Variants in PALB2 observed in about 807,000 individuals in gnomAD.
The protein encoded by PALB2 is mutant partner and localizer of BRCA2.
PALB2 carries 82 observed loss-of-function variants against 107.4 expected under a neutral mutation model. That is an observed-to-expected ratio of 0.76 (90% CI 0.64 to 0.92). PALB2 has a LOEUF of 0.92. Ranked by LOEUF, PALB2 falls within the 40% of genes least tolerant of loss-of-function variation. The pLI, the probability that PALB2 is intolerant of heterozygous loss-of-function variation, is 0.00. For synonymous variants in PALB2, 489 were observed against 496.8 expected (o/e 0.98, Z 0.21); for missense variants, 1,374 against 1,379.9 (o/e 1.00, Z 0.07).
Position 23,624,034 on chromosome 16 carries a change from C to G in PALB2, c.2809G>C (p.Gly937Arg), listed in dbSNP as rs1555459712. ...CTGATCTCTCTGATTTCCAAATTTC[C>G]CAAAGCTACACACACGAGATTATAC... ...DVYNLVCVAL[G>R]NLEIREIRAL... The change falls in exon 8 of 13, where the codon GGA (glycine) becomes CGA (arginine). Residue 937 changes from glycine (G) to arginine (R), a missense_variant. Physicochemically the swap from Gly to Arg is moderately radical, Grantham distance 125. Coordinates refer to ENST00000261584, the MANE Select transcript of PALB2 (RefSeq NM_024675.4). The G allele has an allele frequency of 6.2e-7, 1 of 1,603,956 alleles. No individual in the cohort carries two copies. Among genetic ancestry groups the G allele is most frequent in the Non-Finnish European group, 8.5e-7 (1 of 1,170,994 alleles).
chr16:23,617,860 T>C (rs1164700184), intron 10 of PALB2: 1 of 152,194 alleles, frequency 6.6e-6, no homozygotes, highest in African/African-American at 2.4e-5. Flanking sequence ...AAATATCCCC[T>C]AAGGGGAACT....
Position 23,641,100 on chromosome 16 carries a change from C to T in PALB2, c.48+10G>A, listed in dbSNP as rs1311681895. ...GAGTCCTGCGTCCGCCCTTCCCGCA[C>T]CCCCGGCACCTTTTCCTTCTCCTCA... On this transcript the variant is annotated intron_variant, in intron 1 of 12. Coordinates refer to ENST00000261584, the MANE Select transcript of PALB2 (RefSeq NM_024675.4). 8 of 1,612,988 alleles carry T rather than the reference C, an allele frequency of 5.0e-6. No individual in the cohort carries two copies. The highest frequency in any genetic ancestry group is 6.8e-6 in the Non-Finnish European group (8 of 1,179,630).
intron 10 of PALB2, chr16:23,617,967 G>A (rs185009757): frequency 7.2e-5 from 11 of 152,024 alleles, no homozygotes; most frequent in Non-Finnish European, 1.5e-4. Context: ...GACCAGCCTG[G>A]AAAAAATAGC....
chr16:23,637,032 A>G (rs249860), intron 3 of PALB2, among the ~76,000 whole-genome samples: 43,492 of 151,410 alleles, frequency 0.29, 6,931 homozygotes, highest in African/African-American at 0.42. Context: ...GGCAGATCTC[A>G]AGGTCAGGAG....
In PALB2 at chr16:23,622,057, T is replaced by C. The variant is rs1038721794; in HGVS notation, c.2997-579A>G. On this transcript the variant is annotated intron_variant, in intron 9 of 12. Coordinates refer to ENST00000261584, the MANE Select transcript of PALB2 (RefSeq NM_024675.4). Reference sequence around the variant, plus strand: ...TTGCCTAGATTACTGCAACAGATCATGAATAAATAAGCCAAAGTTCCCTGC... The same window carrying C: ...TTGCCTAGATTACTGCAACAGATCACGAATAAATAAGCCAAAGTTCCCTGC... 2.2e-4 allele frequency among the ~76,000 whole-genome samples: 34 copies of C among 152,200 alleles called. 1 individual carries two copies. The highest frequency in any genetic ancestry group is 6.3e-3 in the Middle Eastern group (2 of 316).
chr16:23,610,309 CTT>C lies in PALB2; in HGVS notation c.3202-2299_3202-2298del, dbSNP rs200742073. ...TTAAATAAATAATACAATGTTATTT[CTT>C]TTTTTTTTTTTTTTTTGAGACAGAG... On this transcript the variant is annotated intron_variant, in intron 11 of 12. Coordinates refer to ENST00000261584, the MANE Select transcript of PALB2 (RefSeq NM_024675.4). Among the ~76,000 whole-genome samples, 299 of 133,698 alleles carry C rather than the reference CTT, an allele frequency of 2.2e-3. 1 individual carries two copies. Among genetic ancestry groups the C allele is most frequent in the African/African-American group, 7.1e-3 (263 of 37,030 alleles). The allele number at this position is 133,698 out of a possible 152,430, so 87.7% of individuals were successfully genotyped here.
rs568560713 is a variant in PALB2 at position 23,621,682 on chromosome 16, C to T, written c.2997-204G>A. On this transcript the variant is annotated intron_variant, in intron 9 of 12. Coordinates refer to ENST00000261584, the MANE Select transcript of PALB2 (RefSeq NM_024675.4). ...CTACCTAGATATGCTGCAAGCACCT[C>T]GAATTCATTATATTCAAAATTAAAC... Among the ~76,000 whole-genome samples, 14 of 152,298 alleles carry T rather than the reference C, an allele frequency of 9.2e-5. No individual in the cohort carries two copies. In the East Asian group the frequency reaches 1.7e-3, roughly 19 times the overall value.
At chr16:23,609,609 C>T (rs1966546775) in intron 11 of PALB2, among the ~76,000 whole-genome samples, 1 of 152,146 alleles carries the variant, frequency 6.6e-6, no homozygotes, top group South Asian at 2.1e-4. Flanking sequence ...GCTCTGCCTC[C>T]TGGGTTCACG....
chr16:23,625,364 T>G (rs185220128), intron 7 of PALB2, among the ~76,000 whole-genome samples: 31 of 151,068 alleles, frequency 2.1e-4, no homozygotes, highest in Middle Eastern at 3.5e-3. Context: ...AAAACCCATA[T>G]CTAGATAAAC....
chr16:23,621,387 T>C lies in PALB2; in HGVS notation c.3088A>G (p.Thr1030Ala), dbSNP rs1040452708. The change falls in exon 10 of 13, where the codon ACT (threonine) becomes GCT (alanine). Residue 1030 changes from threonine (T) to alanine (A), a missense_variant. Physicochemically the swap from Thr to Ala is moderately conservative, Grantham distance 58 (BLOSUM62 0). Coordinates refer to ENST00000261584, the MANE Select transcript of PALB2 (RefSeq NM_024675.4). ...QGMQEALLGT[T>A]IMNNIVIWNL... ...CAAATAACAATGTTGTTCATAATAG[T>C]AGTACCAAGCAGAGCTTCTTGCATC... 1.5e-5 allele frequency: 24 copies of C among 1,612,726 alleles called. 1 individual carries two copies. Among genetic ancestry groups the C allele is most frequent in the East Asian group, 4.5e-5 (2 of 44,858 alleles).
intron 4 of PALB2, among the ~76,000 whole-genome samples, chr16:23,631,010 T>C (rs1476901560): frequency 1.3e-5 from 2 of 150,838 alleles, no homozygotes; most frequent in East Asian, 3.9e-4. Flanking sequence ...ACACTTGTAG[T>C]CTCAGCACTT....
rs1567206756 is a variant in PALB2, at chr16:23,607,874, G to A, written c.3340C>T (p.Gln1114Ter). The A allele has an allele frequency of 6.2e-7, 1 of 1,613,902 alleles. No individual in the cohort carries two copies. The highest frequency in any genetic ancestry group is 8.5e-7 in the Non-Finnish European group (1 of 1,179,944). The stretch of plus-strand genomic sequence containing the variant: ...GTTATGCACACTTGCCTGCCAGCCT[G>A]CCCTGGAGGAAGACAGTACAGCATC... ...GVMLYCLPPG[Q>*]AGRFLEGDVK... Residue 1114 changes from glutamine to a stop codon, truncating the protein, a stop_gained, in exon 12 of 13, where the codon CAG (glutamine) becomes TAG (stop). Coordinates refer to ENST00000261584, the MANE Select transcript of PALB2 (RefSeq NM_024675.4). LOFTEE classifies it high-confidence loss of function.
chr16:23,625,440 C>A (rs188077281), intron 7 of PALB2, among the ~76,000 whole-genome samples: 1 of 151,922 alleles, frequency 6.6e-6, no homozygotes, highest in Non-Finnish European at 1.5e-5. Flanking sequence ...CTGAGGCAGG[C>A]GGATGGCTTA....
rs1251724216 is a variant in PALB2 at position 23,636,033 on chromosome 16, C to T, written c.513G>A (p.Leu171=). 6.2e-7 allele frequency: 1 copy of T among 1,614,114 alleles called. No individual in the cohort carries two copies. Among genetic ancestry groups the T allele is most frequent in the Non-Finnish European group, 8.5e-7 (1 of 1,180,016 alleles). ...CCTGTTCCTTTAGTCTTTTCCCAGACAATCTGAGTGAATCAGTGCCAAAGA... is the reference window on the plus strand; with the variant it reads ...CCTGTTCCTTTAGTCTTTTCCCAGATAATCTGAGTGAATCAGTGCCAAAGA... The part of the protein sequence containing the change: ...DCVFGTDSLR[L]SGKRLKEQEE... The change falls in exon 4 of 13, where the codon TTG becomes TTA. Residue 171 remains leucine, a synonymous_variant. Transcript: ENST00000261584.
At chr16:23,604,085 A>G (rs1245090445) in intron 12 of PALB2, among the ~76,000 whole-genome samples, 2 of 152,106 alleles carry the variant, frequency 1.3e-5, no homozygotes, top group African/African-American at 4.8e-5. Flanking sequence ...CTAATCCTCT[A>G]TCTCAGGCAG....
In PALB2 at chr16:23,634,890, C is replaced by G. The variant is rs180177104; in HGVS notation, c.1656G>C (p.Gln552His). The G allele has an allele frequency of 6.2e-7, 1 of 1,613,876 alleles. No homozygotes were observed. The highest frequency in any genetic ancestry group is 8.5e-7 in the Non-Finnish European group (1 of 1,179,944). ...TCACTTGAATAAATAATTTTTCGTGCTGATATTTGTGTGAGGTGACTTCTT... is the reference window on the plus strand; with the variant it reads ...TCACTTGAATAAATAATTTTTCGTGGTGATATTTGTGTGAGGTGACTTCTT... ...SKEEVTSHKY[Q>H]HEKLFIQVKG... The change falls in exon 4 of 13, where the codon CAG becomes CAC. Residue 552 changes from glutamine (Q) to histidine (H), a missense_variant. Transcript: ENST00000261584.
At chr16:23,615,110 G>A (rs1966661839) in intron 10 of PALB2, among the ~76,000 whole-genome samples, 2 of 151,584 alleles carry the variant, frequency 1.3e-5, no homozygotes, top group Admixed American at 6.6e-5. Context: ...CACCATGCCT[G>A]GCTAATTTCT....
At chr16:23,637,138 C>T (rs1451014849) in intron 3 of PALB2, among the ~76,000 whole-genome samples, 1 of 151,944 alleles carries the variant, frequency 6.6e-6, no homozygotes, top group Non-Finnish European at 1.5e-5. Context: ...GTCCCAGGTA[C>T]TCGGGAGGCT....
chr16:23,639,132 C>T (rs957406726), intron 1 of PALB2, among the ~76,000 whole-genome samples: 1 of 152,180 alleles, frequency 6.6e-6, no homozygotes, highest in Non-Finnish European at 1.5e-5. Flanking sequence ...GCAGCAAAGC[C>T]AGCCTCGGTT....
Sources: gnomAD v4.1 joint callset for allele counts (sites outside exome capture counted in the v4.1 genomes callset) on GRCh38, gnomAD v4.1.1 for gene constraint, MANE v1.5 for transcripts, NCBI Gene and HGNC (gene_info 2026-07-23, HGNC 2026-07-21) for gene names.